Variants in CSMD3 observed in about 807,000 individuals in gnomAD.
The protein encoded by CSMD3 is CUB and Sushi multiple domains 3.
Under a neutral mutation model 435.2 loss-of-function variants are expected in CSMD3, and 177 were observed. The observed-to-expected ratio is 0.41, with a 90% confidence interval of 0.36 to 0.46. The LOEUF (loss-of-function observed/expected upper bound fraction) is 0.46, where lower values mean the gene tolerates loss of function less well. Among genes scored for constraint, CSMD3 ranks in the 20% least tolerant of loss-of-function variants. The pLI is 0.34. For missense variants in CSMD3, 4,265 were observed against 4,504.6 expected (o/e 0.95, Z 1.52); for synonymous variants, 1,656 against 1,520.5 (o/e 1.09, Z -2.07).
chr8:112,513,077 A>G (rs1823298905), intron 28 of CSMD3, among the ~76,000 whole-genome samples: 1 of 152,248 alleles, frequency 6.6e-6, no homozygotes, highest in African/African-American at 2.4e-5. Flanking sequence ...GGCTGGTTTG[A>G]TCTTCTATTC....
At chr8:112,300,343 A>G (rs1244468560) in intron 53 of CSMD3, among the ~76,000 whole-genome samples, 2 of 150,316 alleles carry the variant, frequency 1.3e-5, no homozygotes, top group Non-Finnish European at 3.0e-5. Context: ...AAAAATGCAT[A>G]AGTAAACTAA....
chr8:113,106,327 A>T (rs3853262), intron 4 of CSMD3, among the ~76,000 whole-genome samples: 101,336 of 150,646 alleles, frequency 0.67, 35,572 homozygotes, highest in East Asian at 0.95. Context: ...ACTAGAAATT[A>T]AAAAAAAAAT....
At chr8:112,750,782 A>G (rs1007406243) in intron 13 of CSMD3, among the ~76,000 whole-genome samples, 1 of 152,196 alleles carries the variant, frequency 6.6e-6, no homozygotes, top group South Asian at 2.1e-4. Context: ...AAGTTTATTA[A>G]AAAAAAGTTC....
intron 38 of CSMD3, among the ~76,000 whole-genome samples, chr8:112,358,928 T>G (rs548949124): frequency 6.6e-6 from 1 of 152,170 alleles, no homozygotes; most frequent in African/African-American, 2.4e-5. Flanking sequence ...AAATTATGTT[T>G]TTTTAAAAAA....
chr8:112,899,638 T>TATATATATATAC (rs1309592432), intron 10 of CSMD3, among the ~76,000 whole-genome samples: 6 of 118,454 alleles, frequency 5.1e-5, no homozygotes, highest in African/African-American at 2.0e-4. Context: ...TATATGTATA[T>TATATATATATAC]ACATATATGT....
chr8:112,607,842 C>A (rs1832920452), intron 22 of CSMD3, among the ~76,000 whole-genome samples: 1 of 152,116 alleles, frequency 6.6e-6, no homozygotes, highest in Non-Finnish European at 1.5e-5. Flanking sequence ...CAGAAGCCCA[C>A]AGCTGACATC....
chr8:112,428,836 G>A (rs1386415589), intron 32 of CSMD3, among the ~76,000 whole-genome samples: 1 of 152,024 alleles, frequency 6.6e-6, no homozygotes, highest in Non-Finnish European at 1.5e-5. Flanking sequence ...TGAACTTAAT[G>A]GGCATTAATA....
chr8:112,278,900 C>T (rs1818346183), intron 59 of CSMD3, among the ~76,000 whole-genome samples: 1 of 151,900 alleles, frequency 6.6e-6, no homozygotes, highest in Admixed American at 6.6e-5. Context: ...GGGAGACCCC[C>T]AACATTTAAA....
chr8:113,032,893 A>T (rs1186241029), intron 5 of CSMD3, among the ~76,000 whole-genome samples: 15 of 151,532 alleles, frequency 9.9e-5, no homozygotes. Context: ...TTGGTAGCCC[A>T]CATACCAGCT....
chr8:112,460,881 C>CTATT (rs1319044103), intron 32 of CSMD3, among the ~76,000 whole-genome samples: 2 of 152,062 alleles, frequency 1.3e-5, no homozygotes, highest in African/African-American at 4.8e-5. Context: ...TAAGAGAATA[C>CTATT]TATTCAAATC....
chr8:112,346,411 A>G (rs1423953294), intron 40 of CSMD3, among the ~76,000 whole-genome samples, 198 bp from the exon 41 acceptor site: 2 of 152,196 alleles, frequency 1.3e-5, no homozygotes, highest in African/African-American at 4.8e-5. Context: ...TAAAAAGACA[A>G]CATCCTTCCT....
chr8:113,429,969 C>G (rs920858701), intron 1 of CSMD3, among the ~76,000 whole-genome samples: 2 of 152,134 alleles, frequency 1.3e-5, no homozygotes, highest in Non-Finnish European at 2.9e-5. Flanking sequence ...TAATCAATCC[C>G]TATTAAAAGA....
intron 5 of CSMD3, among the ~76,000 whole-genome samples, chr8:113,021,085 T>C (rs759663721): frequency 6.6e-6 from 1 of 152,210 alleles, no homozygotes; most frequent in African/African-American, 2.4e-5. Context: ...TATATATTTC[T>C]CATTTTTATT....
intron 9 of CSMD3, among the ~76,000 whole-genome samples, chr8:112,934,680 A>T (rs1223114341): frequency 6.6e-6 from 1 of 152,164 alleles, no homozygotes; most frequent in Admixed American, 6.6e-5. Flanking sequence ...TAAGTTGCTT[A>T]GCCACAGCTA....
chr8:112,566,155 T>C (rs1829049316), intron 24 of CSMD3, among the ~76,000 whole-genome samples: 1 of 151,658 alleles, frequency 6.6e-6, no homozygotes, highest in Non-Finnish European at 1.5e-5. Context: ...AAAACTCAAA[T>C]CTTGAGTTCA....
chr8:112,956,300 T>G (rs1016549991), intron 7 of CSMD3, among the ~76,000 whole-genome samples: 9 of 152,058 alleles, frequency 5.9e-5, no homozygotes, highest in Non-Finnish European at 1.0e-4. Context: ...TGTGATTCTC[T>G]TCTACCCTCA....
intron 1 of CSMD3, among the ~76,000 whole-genome samples, chr8:113,341,672 CGAA>C (rs1311620499): frequency 6.6e-6 from 1 of 151,908 alleles, no homozygotes; most frequent in African/African-American, 2.4e-5. Flanking sequence ...ATTTGATTCC[CGAA>C]GGAGTTAAAC....
intron 13 of CSMD3, among the ~76,000 whole-genome samples, chr8:112,699,096 C>G (rs889687878): frequency 1.3e-5 from 2 of 152,082 alleles, no homozygotes; most frequent in Non-Finnish European, 2.9e-5. Flanking sequence ...TGCTGGCCAC[C>G]CAAGCCAGCA....
At chr8:112,663,169 A>G (rs1233757445) in intron 17 of CSMD3, among the ~76,000 whole-genome samples, 1 of 152,140 alleles carries the variant, frequency 6.6e-6, no homozygotes, top group Non-Finnish European at 1.5e-5. Context: ...TCATGCTGCT[A>G]TAAAGACACA....
Sources: gnomAD v4.1 joint callset for allele counts (sites outside exome capture counted in the v4.1 genomes callset) on GRCh38, gnomAD v4.1.1 for gene constraint, MANE v1.5 for transcripts, NCBI Gene and HGNC (gene_info 2026-07-23, HGNC 2026-07-21) for gene names.